RBFOX1: variants seen among roughly 807,000 people sequenced by gnomAD.
RBFOX1 encodes RNA binding protein fox-1 homolog 1.
In RBFOX1, 8 loss-of-function variants were observed where a neutral mutation model predicts 57.7. The observed-to-expected ratio is 0.14, with a 90% CI of 0.08 to 0.25. The LOEUF (loss-of-function observed/expected upper bound fraction) is 0.25, where lower values mean the gene tolerates loss of function less well. Among genes scored for constraint, RBFOX1 ranks in the 10% least tolerant of loss-of-function variants. The pLI is 1.00. For synonymous variants in RBFOX1, 326 were observed against 222.4 expected (o/e 1.47, Z -4.15); for missense variants, 611 against 548.5 (o/e 1.11, Z -1.14).
chr16:6,679,767 T>G (rs1457495884), intron 3 of RBFOX1, among the ~76,000 whole-genome samples: 2 of 152,070 alleles, frequency 1.3e-5, no homozygotes, highest in African/African-American at 4.8e-5. Flanking sequence ...GCATGTAACT[T>G]CCCTTCCTTT....
intron 2 of RBFOX1, among the ~76,000 whole-genome samples, chr16:6,471,186 C>A (rs926963200): frequency 6.6e-6 from 1 of 152,190 alleles, no homozygotes; most frequent in Non-Finnish European, 1.5e-5. Flanking sequence ...TTTGCATAAG[C>A]TGTTTCCTAT....
At chr16:5,816,502 C>A (rs1195474110) in intron 3 of RBFOX1, among the ~76,000 whole-genome samples, 1 of 152,164 alleles carries the variant, frequency 6.6e-6, no homozygotes, top group African/African-American at 2.4e-5. Context: ...ATCTGAAGCT[C>A]CTTTCTCAAT....
At chr16:5,457,015 C>T (rs919774583) in intron 1 of RBFOX1, among the ~76,000 whole-genome samples, 1 of 152,190 alleles carries the variant, frequency 6.6e-6, no homozygotes, top group African/African-American at 2.4e-5. Context: ...GTTCTAAAGG[C>T]TGGGAATTCC....
At chr16:7,233,665 A>C (rs2093625578) in intron 4 of RBFOX1, among the ~76,000 whole-genome samples, 2 of 152,188 alleles carry the variant, frequency 1.3e-5, no homozygotes, top group African/African-American at 4.8e-5. Flanking sequence ...TTCAACAAGA[A>C]ATGCGACCTT....
chr16:6,818,324 A>T (rs899694071), intron 3 of RBFOX1, among the ~76,000 whole-genome samples: 1 of 152,146 alleles, frequency 6.6e-6, no homozygotes, highest in Non-Finnish European at 1.5e-5. Flanking sequence ...CATGGTTTCT[A>T]AATGGGTGTG....
At chr16:7,420,953 A>G (rs547515798) in intron 4 of RBFOX1, among the ~76,000 whole-genome samples, 4 of 148,952 alleles carry the variant, frequency 2.7e-5, no homozygotes, top group African/African-American at 7.5e-5. Flanking sequence ...ACACACACAC[A>G]CACACACATA....
At chr16:7,523,675 A>T (rs945401030) in intron 5 of RBFOX1, among the ~76,000 whole-genome samples, 1 of 152,178 alleles carries the variant, frequency 6.6e-6, no homozygotes, top group Non-Finnish European at 1.5e-5. Context: ...GCTGATCCTG[A>T]AGGAAGTTTT....
chr16:7,649,287 T>C (rs1228297147), intron 11 of RBFOX1, among the ~76,000 whole-genome samples: 1 of 152,152 alleles, frequency 6.6e-6, no homozygotes, highest in Non-Finnish European at 1.5e-5. Flanking sequence ...ATTTTCTTAA[T>C]TACTATATTT....
intron 1 of RBFOX1, among the ~76,000 whole-genome samples, chr16:6,198,069 A>G (rs1265489510): frequency 1.3e-5 from 2 of 152,212 alleles, no homozygotes; most frequent in Non-Finnish European, 1.5e-5. Flanking sequence ...TACCTGACGC[A>G]GATAATTTAA....
chr16:7,668,418 A>C (rs953802084), intron 13 of RBFOX1, among the ~76,000 whole-genome samples: 7 of 152,180 alleles, frequency 4.6e-5, no homozygotes, highest in African/African-American at 1.7e-4. Context: ...ACTTGTTATG[A>C]AATGCTGTGA....
At chr16:5,498,866 TC>T (rs2043093493) in intron 2 of RBFOX1, among the ~76,000 whole-genome samples, 1 of 152,232 alleles carries the variant, frequency 6.6e-6, no homozygotes, top group Admixed American at 6.5e-5. Context: ...CCAGGATCTC[TC>T]CTCTGTAAGG....
At chr16:7,493,344 T>C (rs2067541730) in intron 4 of RBFOX1, among the ~76,000 whole-genome samples, 1 of 152,178 alleles carries the variant, frequency 6.6e-6, no homozygotes, top group African/African-American at 2.4e-5. Flanking sequence ...CTCAGCAAGT[T>C]TTATTGGACA....
rs143151310 is a variant in RBFOX1 at position 6,967,099 on chromosome 16, C to T, written c.-15-84958C>T. ...TTCATCCACCCATCATTCTATTTGT[C>T]TATACACTCATTCATCCATTACTTA... On this transcript the variant is annotated intron_variant, in intron 3 of 15. Transcript: ENST00000550418. Among the ~76,000 whole-genome samples the T allele has an allele frequency of 5.4e-3, 821 of 152,254 alleles. 6 individuals carry two copies. Among genetic ancestry groups the T allele is most frequent in the Non-Finnish European group, 7.8e-3 (533 of 68,026 alleles).
At chr16:6,651,808 A>G (rs1240121889) in intron 2 of RBFOX1, among the ~76,000 whole-genome samples, 1 of 152,204 alleles carries the variant, frequency 6.6e-6, no homozygotes, top group Admixed American at 6.5e-5. Context: ...AAACAGCCCA[A>G]ATATCTATCC....
intron 3 of RBFOX1, among the ~76,000 whole-genome samples, chr16:5,847,242 G>T (rs2056779796): frequency 6.6e-6 from 1 of 152,006 alleles, no homozygotes; most frequent in Admixed American, 6.6e-5. Context: ...GCAGTTGGTA[G>T]AAGTAGGGGG....
chr16:5,288,798 G>C (rs765289810), intron 1 of RBFOX1, among the ~76,000 whole-genome samples: 1 of 151,960 alleles, frequency 6.6e-6, no homozygotes, highest in African/African-American at 2.4e-5. Flanking sequence ...GCATCACAGC[G>C]GCATGATCTC....
intron 4 of RBFOX1, among the ~76,000 whole-genome samples, chr16:7,164,061 C>G (rs1464063975): frequency 6.6e-6 from 1 of 152,122 alleles, no homozygotes. Context: ...TTGGTGCACT[C>G]TTCACTAAAG....
At position 6,114,440 on chromosome 16, in the gene RBFOX1, T is replaced by C. The variant is rs147340331; in HGVS notation, c.-127+94448T>C. ...TGAGCATCACCTTTTTGTGTGTACGTAGCTTTTTGGATCTCATTACTTACA... is the reference window on the plus strand; with the variant it reads ...TGAGCATCACCTTTTTGTGTGTACGCAGCTTTTTGGATCTCATTACTTACA... On this transcript the variant is annotated intron_variant, in intron 1 of 15. Transcript: ENST00000550418. 4.2e-3 allele frequency among the ~76,000 whole-genome samples: 643 copies of C among 152,352 alleles called. 17 individuals carry two copies. The highest frequency in any genetic ancestry group is 0.038 in the Admixed American group (583 of 15,298).
chr16:6,315,870 A>T (rs1054086079), intron 1 of RBFOX1, among the ~76,000 whole-genome samples: 1 of 152,168 alleles, frequency 6.6e-6, no homozygotes, highest in Non-Finnish European at 1.5e-5. Flanking sequence ...TGTGAAGACT[A>T]CACACACATA....
Sources: allele counts gnomAD v4.1 joint callset (sites outside exome capture counted in the v4.1 genomes callset), GRCh38; gene constraint gnomAD v4.1.1; transcripts MANE v1.5; gene names NCBI Gene and HGNC (gene_info 2026-07-23, HGNC 2026-07-21).